Variants in DTD1 observed in about 807,000 individuals in gnomAD.
DTD1 encodes D-aminoacyl-tRNA deacylase 1.
In DTD1, 13 loss-of-function variants were observed where a neutral mutation model predicts 25.6. That is an observed-to-expected ratio of 0.51 (90% CI 0.33 to 0.81). DTD1 has a LOEUF of 0.81. Among genes scored for constraint, DTD1 ranks in the 30% least tolerant of loss-of-function variants. The pLI is 0.02. For synonymous variants in DTD1, 110 were observed against 103.6 expected, an observed-to-expected ratio of 1.06 and a Z score of -0.37; for missense variants, 193 against 266.4, an observed-to-expected ratio of 0.72 and a Z score of 1.92.
intron 4 of DTD1, among the ~76,000 whole-genome samples, chr20:18,732,596 A>G (rs2061242358): frequency 6.6e-6 from 1 of 152,180 alleles, no homozygotes; most frequent in East Asian, 1.9e-4. Flanking sequence ...AAAACCCAGG[A>G]TATAGGTGTG....
intron 3 of DTD1, among the ~76,000 whole-genome samples, chr20:18,618,593 A>T (rs1282390514): frequency 6.7e-6 from 1 of 150,094 alleles, no homozygotes; most frequent in Non-Finnish European, 1.5e-5. Context: ...CAAAAATTAT[A>T]TATACATACA....
chr20:18,638,941 A>G (rs1373125575), intron 4 of DTD1, among the ~76,000 whole-genome samples: 1 of 152,136 alleles, frequency 6.6e-6, no homozygotes, highest in Non-Finnish European at 1.5e-5. Context: ...TGGTTCTTTC[A>G]TACTGTGGCT....
chr20:18,669,194 G>A (rs548605633), intron 4 of DTD1, among the ~76,000 whole-genome samples: 1 of 152,326 alleles, frequency 6.6e-6, no homozygotes, highest in Admixed American at 6.5e-5. Context: ...GTGTGGGAAG[G>A]GGCGTCTCTG....
rs529467253 is a variant in DTD1, at chr20:18,757,176, A to G, written c.*20-6184A>G. Among the ~76,000 whole-genome samples the G allele has an allele frequency of 3.3e-5, 5 of 152,358 alleles. No homozygotes were observed. The South Asian group carries it at 8.3e-4, about 25-fold the overall frequency. Reference sequence around the variant, plus strand: ...CAGCTTAAGGAGATTTTGGGCTGACATGATGGGGTTTTCTAGATATACAAT... The same window carrying G: ...CAGCTTAAGGAGATTTTGGGCTGACGTGATGGGGTTTTCTAGATATACAAT... On this transcript the variant is annotated intron_variant, in intron 5 of 5. Transcript: ENST00000377452.
At chr20:18,732,566 C>T (rs570281025) in intron 4 of DTD1, among the ~76,000 whole-genome samples, 1 of 152,282 alleles carries the variant, frequency 6.6e-6, no homozygotes, top group Admixed American at 6.5e-5. Flanking sequence ...TGACGTTTTA[C>T]CATTAGCCCC....
chr20:18,624,740 A>T (rs540319744), intron 3 of DTD1, among the ~76,000 whole-genome samples: 152 of 152,270 alleles, frequency 1.0e-3, no homozygotes, highest in Admixed American at 2.0e-3. Flanking sequence ...GGGCCCAGAG[A>T]TGTCTGAGCA....
At chr20:18,724,554 T>TAAATAA (rs1397973381) in intron 4 of DTD1, among the ~76,000 whole-genome samples, 1 of 152,166 alleles carries the variant, frequency 6.6e-6, no homozygotes, top group Non-Finnish European at 1.5e-5. Flanking sequence ...AACAAAAAGT[T>TAAATAA]CAAAATTTCA....
intron 3 of DTD1, among the ~76,000 whole-genome samples, chr20:18,618,202 A>G (rs915041259): frequency 1.3e-5 from 2 of 152,166 alleles, no homozygotes; most frequent in Admixed American, 1.3e-4. Flanking sequence ...GGCAGAGTGT[A>G]TTTTGAACTT....
chr20:18,669,207 G>A (rs2060943249), intron 4 of DTD1, among the ~76,000 whole-genome samples: 2 of 152,194 alleles, frequency 1.3e-5, no homozygotes, highest in South Asian at 4.1e-4. Context: ...CGTCTCTGAG[G>A]CCACTCCTGA....
intron 4 of DTD1, among the ~76,000 whole-genome samples, chr20:18,690,065 G>T (rs2061038583): frequency 6.7e-6 from 1 of 148,980 alleles, no homozygotes; most frequent in African/African-American, 2.5e-5. Flanking sequence ...GAGCCCAGGA[G>T]TTCAAGACTG....
At position 18,730,414 on chromosome 20, in the gene DTD1, T is replaced by C. The variant is rs73899877; in HGVS notation, c.478-13686T>C. Among the ~76,000 whole-genome samples the C allele has an allele frequency of 8.7e-3, 1,322 of 152,336 alleles. 19 individuals are homozygous for C. The highest frequency in any genetic ancestry group is 0.03 in the African/African-American group (1,265 of 41,592). ...GCATTCCCAAGGCCCAAATTTATAC[T>C]CCTATCACCAACATAAAATATTCCT... On this transcript the variant is annotated intron_variant, in intron 4 of 5. Transcript: ENST00000377452.
At chr20:18,744,810 G>A (rs2061293967) in intron 5 of DTD1, among the ~76,000 whole-genome samples, 1 of 151,954 alleles carries the variant, frequency 6.6e-6, no homozygotes, top group Non-Finnish European at 1.5e-5. Flanking sequence ...CCACGTGTGT[G>A]TTCCTACGTG....
At chr20:18,606,147 C>T (rs2060656378) in intron 3 of DTD1, among the ~76,000 whole-genome samples, 1 of 150,598 alleles carries the variant, frequency 6.6e-6, no homozygotes, top group Non-Finnish European at 1.5e-5. Flanking sequence ...CAAAAGAAGA[C>T]ATTTATGCAG....
At position 18,759,792 on chromosome 20, in the gene DTD1, A is replaced by G. The variant is rs571894760; in HGVS notation, c.*20-3568A>G. On this transcript the variant is annotated intron_variant, in intron 5 of 5. Coordinates refer to ENST00000377452, the MANE Select transcript of DTD1 (RefSeq NM_080820.6). ...TGTGAATGTTGGCCTGCCTTGCTAG[A>G]TTGGGGAAGTTCTCCTGGATAATAT... is the stretch of plus-strand genomic sequence containing the variant. Among the ~76,000 whole-genome samples the G allele has an allele frequency of 3.3e-5, 5 of 152,222 alleles. No homozygotes were observed. The South Asian group carries it at 8.3e-4, about 25-fold the overall frequency.
chr20:18,724,837 A>T (rs572605885), intron 4 of DTD1, among the ~76,000 whole-genome samples: 59 of 152,386 alleles, frequency 3.9e-4, no homozygotes, highest in African/African-American at 1.2e-3. Context: ...CCAAGAGAGG[A>T]AATCCACAAG....
At chr20:18,756,831 A>G (rs542317586) in intron 5 of DTD1, among the ~76,000 whole-genome samples, 1 of 152,130 alleles carries the variant, frequency 6.6e-6, no homozygotes, top group African/African-American at 2.4e-5. Flanking sequence ...CTTGATGGGG[A>G]TGGCATTGCA....
At chr20:18,651,310 C>T (rs533414557) in intron 4 of DTD1, among the ~76,000 whole-genome samples, 3 of 152,256 alleles carry the variant, frequency 2.0e-5, no homozygotes, top group East Asian at 3.9e-4. Flanking sequence ...TGCCACCACA[C>T]TGAGCTAATT....
intron 3 of DTD1, among the ~76,000 whole-genome samples, chr20:18,623,355 T>C (rs765823483): frequency 2.0e-5 from 3 of 152,164 alleles, no homozygotes; most frequent in Non-Finnish European, 4.4e-5. Context: ...TTTTTAGTTT[T>C]TTTTGTATTT....
At chr20:18,747,787 C>T (rs1482974818) in intron 5 of DTD1, among the ~76,000 whole-genome samples, 10 of 150,866 alleles carry the variant, frequency 6.6e-5, no homozygotes, top group South Asian at 2.1e-4. Flanking sequence ...CCCAGGCAGG[C>T]GGATCACGAG....
Sources: allele counts gnomAD v4.1 joint callset (sites outside exome capture counted in the v4.1 genomes callset), GRCh38; gene constraint gnomAD v4.1.1; transcripts MANE v1.5; gene names NCBI Gene and HGNC (gene_info 2026-07-23, HGNC 2026-07-21).